Variants in UIMC1 observed in about 807,000 individuals in gnomAD.
The protein encoded by UIMC1 is BRCA1-A complex subunit RAP80.
UIMC1 carries 42 observed loss-of-function variants against 84.9 expected under a neutral mutation model. The observed-to-expected ratio is 0.49, with a 90% confidence interval of 0.39 to 0.64. UIMC1 has a LOEUF of 0.64. Ranked by LOEUF, UIMC1 falls within the 30% of genes least tolerant of loss-of-function variation. The pLI, the probability that UIMC1 is intolerant of heterozygous loss-of-function variation, is 0.00. For synonymous variants in UIMC1, 281 were observed against 293.0 expected (o/e 0.96, Z 0.42); for missense variants, 825 against 847.6 (o/e 0.97, Z 0.33).
chr5:176,969,235 T>C lies in UIMC1; in HGVS notation c.520A>G (p.Asn174Asp), dbSNP rs1387060852. ...LFKGSHISQGNEAEEREEPWD... is the reference protein window; with the variant it reads ...LFKGSHISQGDEAEEREEPWD... ...GGCTCCTCTCTTTCCTCAGCCTCGTTTCCCTGACTGATATGTGAGCCTTTA... is the reference window on the plus strand; with the variant it reads ...GGCTCCTCTCTTTCCTCAGCCTCGTCTCCCTGACTGATATGTGAGCCTTTA... Residue 174 changes from asparagine (N) to aspartate (D), a missense_variant, in exon 6 of 15, where the codon AAC (asparagine) becomes GAC (aspartate). Physicochemically the swap from Asn to Asp is conservative, Grantham distance 23 (BLOSUM62 1). Coordinates refer to ENST00000511320, the MANE Select transcript of UIMC1 (RefSeq NM_001199298.2). 1 of 1,614,208 alleles carries C rather than the reference T, an allele frequency of 6.2e-7. No homozygotes were observed. The highest frequency in any genetic ancestry group is 1.1e-5 in the South Asian group (1 of 91,086).
At position 176,965,054 on chromosome 5, in the gene UIMC1, GAC is replaced by G. The variant is rs1768065370; in HGVS notation, c.1200+3499_1200+3500del. Among the ~76,000 whole-genome samples the G allele has an allele frequency of 3.9e-5, 6 of 152,234 alleles. No homozygotes were observed. In the South Asian group the frequency reaches 1.2e-3, roughly 32 times the overall value. ...AGTCTGCAGGGAGAAAAATGAAGCAGACACAATATAACCATGAGATACAGAAA... is the reference window on the plus strand; with the variant it reads ...AGTCTGCAGGGAGAAAAATGAAGCAGACAATATAACCATGAGATACAGAAA... On this transcript the variant is annotated intron_variant, in intron 6 of 14. Transcript: ENST00000511320.
At chr5:176,973,512 C>A (rs1224795072) in intron 3 of UIMC1, among the ~76,000 whole-genome samples, 4 of 144,746 alleles carry the variant, frequency 2.8e-5, no homozygotes, top group Non-Finnish European at 6.0e-5. Flanking sequence ...TCCAGGTGGT[C>A]GAAGCTGCAG....
At chr5:176,908,105 T>C (rs1417508959) in intron 12 of UIMC1, among the ~76,000 whole-genome samples, 2 of 152,126 alleles carry the variant, frequency 1.3e-5, no homozygotes, top group Admixed American at 6.5e-5. Context: ...ACACAGAATA[T>C]AGTATACACA....
At chr5:177,021,072 GT>G (rs1440014212) in intron 1 of UIMC1, among the ~76,000 whole-genome samples, 2 of 152,166 alleles carry the variant, frequency 1.3e-5, no homozygotes, top group African/African-American at 4.8e-5. Flanking sequence ...GAGATCAGGA[GT>G]TTGAGATCAG....
chr5:176,926,124 G>A (rs1358571048), intron 10 of UIMC1, among the ~76,000 whole-genome samples: 1 of 151,940 alleles, frequency 6.6e-6, no homozygotes, highest in Non-Finnish European at 1.5e-5. Context: ...AAAGACTGGG[G>A]AAACCCTCTA....
At chr5:176,947,387 G>A in intron 9 of UIMC1, among the ~76,000 whole-genome samples, 1 of 152,066 alleles carries the variant, frequency 6.6e-6, no homozygotes. Flanking sequence ...GGGTACATGT[G>A]CACAATGTGC....
intron 10 of UIMC1, among the ~76,000 whole-genome samples, chr5:176,913,807 G>A (rs1474276615): frequency 2.0e-5 from 3 of 152,182 alleles, no homozygotes; most frequent in Non-Finnish European, 4.4e-5. Context: ...TGAAACCCCC[G>A]TCTCTACAAA....
At position 176,908,571 on chromosome 5, in the gene UIMC1, T is replaced by C; in HGVS notation, c.1800A>G (p.Ala600=). The C allele has an allele frequency of 6.2e-7, 1 of 1,614,140 alleles. No homozygotes were observed. The highest frequency in any genetic ancestry group is 8.5e-7 in the Non-Finnish European group (1 of 1,179,998). Reference sequence around the variant, plus strand: ...GCCACTTCCCCTCCACAGTTGAACATGCTCTTCCACTCCCTTCAGGTCCAT... The same window carrying C: ...GCCACTTCCCCTCCACAGTTGAACACGCTCTTCCACTCCCTTCAGGTCCAT... The part of the protein sequence containing the change: ...QGDGPEGSGR[A]CSTVEGKWQQ... Residue 600 remains alanine (A), a synonymous_variant, in exon 12 of 15, where the codon GCA becomes GCG. Transcript: ENST00000511320.
At chr5:176,983,654 C>A (rs1771398392) in intron 1 of UIMC1, among the ~76,000 whole-genome samples, 1 of 152,222 alleles carries the variant, frequency 6.6e-6, no homozygotes, top group African/African-American at 2.4e-5. Flanking sequence ...CCGCCCGCCA[C>A]CCCATCTAAG....
chr5:176,970,351 C>A, intron 4 of UIMC1: 3 of 187,454 alleles, frequency 1.6e-5, no homozygotes, highest in South Asian at 9.7e-5. Context: ...TTTTTTAAAA[C>A]TGCCCATTCT....
At chr5:176,983,674 G>A (rs1175421803) in intron 1 of UIMC1, among the ~76,000 whole-genome samples, 6 of 152,204 alleles carry the variant, frequency 3.9e-5, no homozygotes, top group South Asian at 4.1e-4. Flanking sequence ...GAAGTGAGCA[G>A]TGTCTCTGCC....
intron 1 of UIMC1, among the ~76,000 whole-genome samples, chr5:177,004,980 T>C (rs996581827): frequency 1.3e-5 from 2 of 152,128 alleles, no homozygotes; most frequent in African/African-American, 4.8e-5. Flanking sequence ...AGCCTCGACC[T>C]GGTCCAAAGG....
chr5:176,937,949 G>C (rs1401922655), intron 10 of UIMC1, among the ~76,000 whole-genome samples: 1 of 152,066 alleles, frequency 6.6e-6, no homozygotes, highest in Non-Finnish European at 1.5e-5. Context: ...CCAGCACTTT[G>C]GGAGGCCAAC....
chr5:176,992,593 A>T (rs1206278353), intron 1 of UIMC1, among the ~76,000 whole-genome samples: 1 of 152,058 alleles, frequency 6.6e-6, no homozygotes, highest in African/African-American at 2.4e-5. Context: ...AAGAAGCCAC[A>T]GAATGACAAT....
rs148871996 is a variant in UIMC1, at chr5:177,015,511, C to T, written c.-9+6953G>A. ...TGGCCCAGCGGGGCATGTAGAGTGGCTGGAATTCCCAAACTGTCACTGCAG... is the reference window on the plus strand; with the variant it reads ...TGGCCCAGCGGGGCATGTAGAGTGGTTGGAATTCCCAAACTGTCACTGCAG... On this transcript the variant is annotated intron_variant, in intron 1 of 5. Coordinates refer to the UIMC1 transcript ENST00000509236. Among the ~76,000 whole-genome samples, 1,384 of 152,300 alleles carry T rather than the reference C, an allele frequency of 9.1e-3. 8 individuals carry two copies. Among genetic ancestry groups the T allele is most frequent in the South Asian group, 0.025 (120 of 4,828 alleles).
At chr5:176,996,701 G>C (rs887131823) in intron 1 of UIMC1, among the ~76,000 whole-genome samples, 2 of 152,146 alleles carry the variant, frequency 1.3e-5, no homozygotes, top group Non-Finnish European at 2.9e-5. Context: ...GTTGAACTAT[G>C]AGTCCAGTAG....
intron 1 of UIMC1, among the ~76,000 whole-genome samples, chr5:177,021,188 G>T (rs1350870181): frequency 6.6e-6 from 1 of 152,178 alleles, no homozygotes; most frequent in Non-Finnish European, 1.5e-5. Context: ...TGAGGCTGGA[G>T]AATTGCTTGA....
chr5:176,975,391 C>A lies in UIMC1; in HGVS notation c.232+5G>T. Reference sequence around the variant, plus strand: ...CAAACCATTATCAACAAAATGAAAACATACGTGCGATTTTTCTTTTGGCCA... The same window carrying A: ...CAAACCATTATCAACAAAATGAAAAAATACGTGCGATTTTTCTTTTGGCCA... On this transcript the variant is annotated splice_donor_5th_base_variant and intron_variant, in intron 3 of 14. Transcript: ENST00000511320. 1 of 1,613,436 alleles carries A rather than the reference C, an allele frequency of 6.2e-7. No individual in the cohort carries two copies. Among genetic ancestry groups the A allele is most frequent in the Non-Finnish European group, 8.5e-7 (1 of 1,179,662 alleles).
At chr5:176,940,373 G>A (rs1309490568) in intron 10 of UIMC1, among the ~76,000 whole-genome samples, 1 of 152,168 alleles carries the variant, frequency 6.6e-6, no homozygotes, top group Non-Finnish European at 1.5e-5. Context: ...ATTCTGACCT[G>A]AAGGAGGTCA....
Sources: gnomAD v4.1 joint callset for allele counts (sites outside exome capture counted in the v4.1 genomes callset) on GRCh38, gnomAD v4.1.1 for gene constraint, MANE v1.5 for transcripts, NCBI Gene and HGNC (gene_info 2026-07-23, HGNC 2026-07-21) for gene names.